Variants in PCDHGA10 observed in about 807,000 individuals in gnomAD.
PCDHGA10 encodes the protein protocadherin gamma subfamily A, 10, also known as protocadherin gamma-A10.
A neutral mutation model predicts 59.5 loss-of-function variants in PCDHGA10; 42 were observed. The ratio of observed to expected loss-of-function variants is 0.71; its 90% CI spans 0.55 to 0.91. PCDHGA10 has a LOEUF of 0.91. PCDHGA10 is among the 40% of genes least tolerant of loss of function. The pLI, the probability that PCDHGA10 is intolerant of heterozygous loss-of-function variation, is 0.00. For synonymous variants in PCDHGA10, 511 were observed against 517.2 expected (o/e 0.99, Z 0.16); for missense variants, 1,111 against 1,198.2 (o/e 0.93, Z 1.07).
At chr5:141,440,617 C>T (rs1469883341) in intron 1 of PCDHGA10, 1 of 152,168 alleles carries the variant, frequency 6.6e-6, no homozygotes, top group East Asian at 1.9e-4. Context: ...TGCAGAAGAT[C>T]CTGATGTTGA....
At chr5:141,484,790 A>T (rs1562101198) in intron 1 of PCDHGA10, among the ~76,000 whole-genome samples, 1 of 152,076 alleles carries the variant, frequency 6.6e-6, no homozygotes, top group Admixed American at 6.6e-5. Flanking sequence ...CACAGAGATA[A>T]CAACCCGTGG....
intron 1 of PCDHGA10, chr5:141,433,309 T>C: frequency 1.1e-6 from 1 of 901,134 alleles, no homozygotes; most frequent in Admixed American, 2.7e-5. Context: ...TTATCCCACC[T>C]TTGCCTCCGG....
chr5:141,480,533 G>A (rs2099521308), intron 1 of PCDHGA10, among the ~76,000 whole-genome samples: 1 of 127,758 alleles, frequency 7.8e-6, no homozygotes, highest in African/African-American at 3.6e-5. Flanking sequence ...CAAAGTAGAA[G>A]CACATATGAA....
chr5:141,425,478 G>A (rs2096877750), intron 1 of PCDHGA10, among the ~76,000 whole-genome samples: 1 of 152,148 alleles, frequency 6.6e-6, no homozygotes, highest in Admixed American at 6.5e-5. Flanking sequence ...AATTCCTATG[G>A]CAACCTACTA....
At position 141,431,641 on chromosome 5, in the gene PCDHGA10, A is replaced by G. The variant is rs772686680; in HGVS notation, c.2436+16030A>G. ...ACAAGGCGGCCCAAGTTTTCAAACT[A>G]GATTGTAATTCAGGGACAATATCAA... is the stretch of plus-strand genomic sequence containing the variant. On this transcript the variant is annotated intron_variant, in intron 1 of 3. Coordinates refer to ENST00000398610, the MANE Select transcript of PCDHGA10 (RefSeq NM_018913.3). This position sits in a 1 kb window ranked among gnomAD's most constrained non-coding sequence, Gnocchi z 4.8. The G allele has an allele frequency of 6.2e-7, 1 of 1,614,270 alleles. No individual in the cohort carries two copies. Among genetic ancestry groups the G allele is most frequent in the South Asian group, 1.1e-5 (1 of 91,092 alleles).
intron 1 of PCDHGA10, chr5:141,420,214 C>T: frequency 6.2e-7 from 1 of 1,611,064 alleles, no homozygotes; most frequent in Non-Finnish European, 8.5e-7. Context: ...ACAAAGATAG[C>T]ATGCTACTGG....
At chr5:141,418,201 A>G (rs2096236241) in intron 1 of PCDHGA10, 1 of 1,614,020 alleles carries the variant, frequency 6.2e-7, no homozygotes, top group Non-Finnish European at 8.5e-7. Flanking sequence ...AAAATCCTTT[A>G]AATATTTTTC....
At chr5:141,420,036 G>A (rs1370492350) in intron 1 of PCDHGA10, 1 of 1,614,078 alleles carries the variant, frequency 6.2e-7, no homozygotes. Flanking sequence ...GCAGGAGACT[G>A]CTTTGAGTCA....
At chr5:141,497,079 C>T (rs564690352) in intron 2 of PCDHGA10, among the ~76,000 whole-genome samples, 2 of 151,982 alleles carry the variant, frequency 1.3e-5, no homozygotes, top group African/African-American at 4.8e-5. Flanking sequence ...ATCCCAGCGA[C>T]TTAGGAGGCT....
At chr5:141,453,377 T>TC (rs1242854086) in intron 1 of PCDHGA10, among the ~76,000 whole-genome samples, 3 of 152,072 alleles carry the variant, frequency 2.0e-5, no homozygotes, top group Admixed American at 2.0e-4. Context: ...CAAGTGATCC[T>TC]CCTGCCTTAG....
chr5:141,422,670 C>T, intron 1 of PCDHGA10: 1 of 1,607,244 alleles, frequency 6.2e-7, no homozygotes, highest in Non-Finnish European at 8.5e-7. Flanking sequence ...TCGACCCGGA[C>T]AGCAAACAGA....
In PCDHGA10 at chr5:141,415,489, C is replaced by G; in HGVS notation, c.2314C>G (p.Leu772Val). The G allele has an allele frequency of 6.2e-7, 1 of 1,614,220 alleles. No homozygotes were observed. The highest frequency in any genetic ancestry group is 8.5e-7 in the Non-Finnish European group (1 of 1,180,038). Residue 772 changes from leucine to valine, a missense_variant, in exon 1 of 4, where the codon CTG (leucine) becomes GTG (valine). By Grantham distance (32) the Leu-to-Val change is conservative. Coordinates refer to ENST00000398610, the MANE Select transcript of PCDHGA10 (RefSeq NM_018913.3). ...CACCGCGGACTCGCGAAAGAGTCAC[C>G]TGATCTTCCCCCAGCCCAATTATGC... is the stretch of plus-strand genomic sequence containing the variant. ...SLTADSRKSH[L>V]IFPQPNYADT... is the part of the protein sequence containing the mutation.
chr5:141,478,100 C>T, intron 1 of PCDHGA10: 1 of 1,614,124 alleles, frequency 6.2e-7, no homozygotes, highest in Non-Finnish European at 8.5e-7. Context: ...CACTGCTACC[C>T]TCACTGTGTC....
intron 1 of PCDHGA10, among the ~76,000 whole-genome samples, chr5:141,450,616 A>G (rs2098687684): frequency 6.6e-6 from 1 of 151,486 alleles, no homozygotes; most frequent in African/African-American, 2.4e-5. Flanking sequence ...CCTCCTGAGT[A>G]GCTGGGATTA....
Position 141,431,180 on chromosome 5 carries a change from A to C in PCDHGA10, c.2436+15569A>C. The C allele has an allele frequency of 6.2e-7, 1 of 1,614,246 alleles. No homozygotes were observed. The highest frequency in any genetic ancestry group is 8.5e-7 in the Non-Finnish European group (1 of 1,180,044). On this transcript the variant is annotated intron_variant, in intron 1 of 3. Transcript: ENST00000398610. This position sits in a 1 kb window ranked among gnomAD's most constrained non-coding sequence, Gnocchi z 4.8. ...CTTTCGTGAAAGTGAATTAGAAATA[A>C]AAATTAGTGAAAATGCAGCCACTGA...
chr5:141,419,454 T>A (rs1191326733), intron 1 of PCDHGA10: 1 of 1,612,786 alleles, frequency 6.2e-7, no homozygotes, highest in Non-Finnish European at 8.5e-7. Flanking sequence ...GAGCTCACGC[T>A]GCAGGCCCGC....
At position 141,414,963 on chromosome 5, in the gene PCDHGA10, G is replaced by T. The variant is rs2095808106; in HGVS notation, c.1788G>T (p.Val596=). The T allele has an allele frequency of 1.1e-5, 17 of 1,614,006 alleles. No individual in the cohort carries two copies. The highest frequency in any genetic ancestry group is 1.4e-5 in the Non-Finnish European group (16 of 1,180,044). ...AEPGYLVTKV[V]AVDRDSGQNA... ...CCGGCTACCTGGTGACCAAGGTGGTGGCGGTGGACAGAGACTCCGGCCAGA... is the reference window on the plus strand; with the variant it reads ...CCGGCTACCTGGTGACCAAGGTGGTTGCGGTGGACAGAGACTCCGGCCAGA... Residue 596 remains valine, a synonymous_variant, in exon 1 of 4, where the codon GTG becomes GTT. Coordinates refer to ENST00000398610, the MANE Select transcript of PCDHGA10 (RefSeq NM_018913.3).
Position 141,491,739 on chromosome 5 carries a change from C to A in PCDHGA10, c.2437-3068C>A, listed in dbSNP as rs372183034. ...CGCCGCCCCGGGCGACCCCTGGGGG[C>A]GGCACTGGAGAAGCCGCCCGTCCTC... On this transcript the variant is annotated intron_variant, in intron 1 of 3. Transcript: ENST00000398610. The surrounding 1 kb of genome is among the most constrained non-coding windows in gnomAD (Gnocchi z 6.9). 2 of 1,598,886 alleles carry A rather than the reference C, an allele frequency of 1.3e-6. No individual in the cohort carries two copies. The highest frequency in any genetic ancestry group is 1.3e-5 in the African/African-American group (1 of 74,290).
chr5:141,432,369 A>G lies in PCDHGA10; in HGVS notation c.2436+16758A>G. 6.2e-7 allele frequency: 1 copy of G among 1,614,222 alleles called. No homozygotes were observed. The highest frequency in any genetic ancestry group is 1.1e-5 in the South Asian group (1 of 91,084). ...CAAGTGAAAGTGATGGCGCGGGACA[A>G]CGGGCACCCGCCCCTCAGCAGCAAC... On this transcript the variant is annotated intron_variant, in intron 1 of 3. Coordinates refer to ENST00000398610, the MANE Select transcript of PCDHGA10 (RefSeq NM_018913.3). The surrounding 1 kb of genome is among the most constrained non-coding windows in gnomAD (Gnocchi z 6.0).
Sources: gnomAD v4.1 joint callset for allele counts (sites outside exome capture counted in the v4.1 genomes callset) on GRCh38, gnomAD v4.1.1 for gene constraint, Gnocchi (gnomAD v3.1) non-coding constraint, MANE v1.5 for transcripts, NCBI Gene and HGNC (gene_info 2026-07-23, HGNC 2026-07-21) for gene names.